Variants in WNK2 observed in about 807,000 individuals in gnomAD.
The protein encoded by WNK2 is WNK lysine deficient protein kinase 2.
In WNK2, 67 loss-of-function variants were observed where a neutral mutation model predicts 192.1. That is an observed-to-expected ratio of 0.35 (90% CI 0.29 to 0.43). The LOEUF is 0.43. Among genes scored for constraint, WNK2 ranks in the 20% least tolerant of loss-of-function variants. The pLI is 1.00. For missense variants in WNK2, 2,698 were observed against 3,089.7 expected (o/e 0.87, Z 3.01); for synonymous variants, 1,439 against 1,393.9 (o/e 1.03, Z -0.72).
chr9:93,317,481 C>A, intron 28 of WNK2, 39 bp from the exon 29 acceptor site: 1 of 1,602,394 alleles, frequency 6.2e-7, no homozygotes, highest in Non-Finnish European at 8.5e-7. Context: ...CTGATTGCAG[C>A]CACGTGTACC....
chr9:93,256,562 T>C, intron 10 of WNK2, 108 bp downstream of exon 10: 1 of 1,308,720 alleles, frequency 7.6e-7, no homozygotes. Context: ...TCGCTCAAAT[T>C]CTCTGTGGTT....
chr9:93,194,590 T>C (rs917629601), intron 2 of WNK2, among the ~76,000 whole-genome samples: 3 of 152,244 alleles, frequency 2.0e-5, no homozygotes, highest in Admixed American at 6.5e-5. Context: ...ACAGGAACTC[T>C]TATTCATTAC....
Position 93,317,822 on chromosome 9 carries a change from G to A in WNK2, c.6628+191G>A, listed in dbSNP as rs1351354887. 4 of 1,497,284 alleles carry A rather than the reference G, an allele frequency of 2.7e-6. No homozygotes were observed. The Admixed American group carries it at 6.6e-5, about 25-fold the overall frequency. 92.7% of individuals were successfully genotyped at this position (1,497,284 alleles called of 1,614,324 possible). A position where few individuals can be genotyped will look rare whatever the true frequency, so the allele number is the denominator to read the frequency against. Reference sequence around the variant, plus strand: ...TCTTGCAGCCACCTGTGGTCAGCATGCCTGGCCCCCGGCTGCGGATCACGT... The same window carrying A: ...TCTTGCAGCCACCTGTGGTCAGCATACCTGGCCCCCGGCTGCGGATCACGT... On this transcript the variant is annotated intron_variant, in intron 29 of 29. Coordinates refer to ENST00000427277, the MANE Select transcript of WNK2 (RefSeq NM_006648.4).
chr9:93,204,399 C>T (rs1158657438), intron 2 of WNK2, among the ~76,000 whole-genome samples: 2 of 152,182 alleles, frequency 1.3e-5, no homozygotes, highest in African/African-American at 2.4e-5. Context: ...GCCCAAGCAC[C>T]TGCAGGTAGA....
In WNK2 at chr9:93,185,349, C is replaced by G. The variant is rs1234737414; in HGVS notation, c.420C>G (p.Asp140Glu). 3 of 1,551,902 alleles carry G rather than the reference C, an allele frequency of 1.9e-6. No individual in the cohort carries two copies. Among genetic ancestry groups the G allele is most frequent in the East Asian group, 4.7e-5 (2 of 42,190 alleles). Reference sequence around the variant, plus strand: ...CTGTCGAAACCGCGCCTGCCCCCGACGGCGGCCCCAGGGAGGAGGCGGCGG... The same window carrying G: ...CTGTCGAAACCGCGCCTGCCCCCGAGGGCGGCCCCAGGGAGGAGGCGGCGG... ...AAAVETAPAP[D>E]GGPREEAAAT... Residue 140 changes from aspartate to glutamate, a missense_variant, in exon 2 of 30, where the codon GAC becomes GAG. By Grantham distance (45) the Asp-to-Glu change is conservative. Transcript: ENST00000427277.
chr9:93,300,135 T>C lies in WNK2; in HGVS notation c.6200T>C (p.Val2067Ala). ...KPRARFLSGP[V>A]SVSIWSALKR... is the part of the protein sequence containing the mutation. ...CGTGCTCGATTCCTCAGTGGACCCG[T>C]ATCTGTGTCCATCTGTCTGTATTTG... The change falls in exon 26 of 30, where the codon GTA becomes GCA. Residue 2067 changes from valine (V) to alanine (A), a missense_variant. By Grantham distance (64) the Val-to-Ala change is moderately conservative (BLOSUM62 0). Transcript: ENST00000427277. 6.2e-7 allele frequency: 1 copy of C among 1,612,756 alleles called. No individual in the cohort carries two copies. The highest frequency in any genetic ancestry group is 8.5e-7 in the Non-Finnish European group (1 of 1,179,080).
chr9:93,304,890 T>TGGGGCCCAAGTTTAGGA (rs377618925), intron 26 of WNK2, among the ~76,000 whole-genome samples: 132 of 152,216 alleles, frequency 8.7e-4, no homozygotes, highest in African/African-American at 3.2e-3. Context: ...CACTGGTCAC[T>TGGGGCCCAAGTTTAGGA]GGGGCCCAAG....
In WNK2 at chr9:93,256,971, A is replaced by G. The variant is rs746342840; in HGVS notation, c.2214A>G (p.Thr738=). ...AGCCTCCTCCGCTGGCCCAGCCGAC[A>G]CCCCTGCCGCAGGTCCTGGCCCCAC... is the stretch of plus-strand genomic sequence containing the variant. ...GQQPPPLAQP[T]PLPQVLAPQP... The change falls in exon 11 of 30, where the codon ACA becomes ACG. Residue 738 remains threonine, a synonymous_variant. Transcript: ENST00000427277. The G allele has an allele frequency of 6.3e-7, 1 of 1,580,328 alleles. No individual in the cohort carries two copies. Among genetic ancestry groups the G allele is most frequent in the Non-Finnish European group, 8.6e-7 (1 of 1,169,038 alleles).
At chr9:93,256,675 C>T (rs1588223732) in intron 10 of WNK2, 6 of 669,570 alleles carry the variant, frequency 9.0e-6, no homozygotes, top group Non-Finnish European at 2.5e-6. Flanking sequence ...GCATAGTGTT[C>T]GCAGTGCCCT....
At chr9:93,318,602 C>T in intron 29 of WNK2, 2 of 1,604,820 alleles carry the variant, frequency 1.2e-6, no homozygotes, top group Non-Finnish European at 1.7e-6. Context: ...GCTGCCCGCC[C>T]ACCCTGTGGA....
At chr9:93,241,176 G>A (rs1588125201) in intron 7 of WNK2, among the ~76,000 whole-genome samples, 1 of 152,240 alleles carries the variant, frequency 6.6e-6, no homozygotes, top group African/African-American at 2.4e-5. Flanking sequence ...CGTCTTTGTT[G>A]TTGGTTACAA....
At chr9:93,204,145 G>A (rs577664106) in intron 2 of WNK2, among the ~76,000 whole-genome samples, 2 of 152,246 alleles carry the variant, frequency 1.3e-5, no homozygotes, top group South Asian at 4.1e-4. Flanking sequence ...TGCCTGCTTG[G>A]TCAGTGGGTA....
chr9:93,208,107 A>G (rs539824697), intron 2 of WNK2, among the ~76,000 whole-genome samples: 2 of 152,264 alleles, frequency 1.3e-5, no homozygotes, highest in African/African-American at 4.8e-5. Context: ...GACAGAACAC[A>G]CAAACATCTC....
chr9:93,202,020 A>G (rs528045724), intron 2 of WNK2, among the ~76,000 whole-genome samples: 1 of 152,242 alleles, frequency 6.6e-6, no homozygotes, highest in East Asian at 1.9e-4. Context: ...TGGGCCGGTG[A>G]GGGTTGCTGG....
Position 93,267,949 on chromosome 9 carries a change from G to A in WNK2, c.3867+33G>A, listed in dbSNP as rs781725732. Reference sequence around the variant, plus strand: ...TGTGAAATCCGGGGTGGGAGGTGGTGAGAGTGCAGTGGCTGGGCAGGTGGG... The same window carrying A: ...TGTGAAATCCGGGGTGGGAGGTGGTAAGAGTGCAGTGGCTGGGCAGGTGGG... On this transcript the variant is annotated intron_variant, in intron 17 of 29. Transcript: ENST00000427277. 108 of 1,609,816 alleles carry A rather than the reference G, an allele frequency of 6.7e-5. 1 individual carries two copies. The Admixed American group carries it at 1.2e-3, about 18-fold the overall frequency.
At chr9:93,268,103 G>A (rs762847101) in intron 18 of WNK2, 38 bp downstream of exon 18, 22 of 1,583,410 alleles carry the variant, frequency 1.4e-5, no homozygotes, top group East Asian at 7.0e-5. Flanking sequence ...TTAAGCAGGC[G>A]TTTGATGAAA....
chr9:93,256,492 G>A, intron 10 of WNK2, 38 bp downstream of exon 10: 1 of 1,485,796 alleles, frequency 6.7e-7, no homozygotes, highest in African/African-American at 1.4e-5. Flanking sequence ...GTCCCTCCAG[G>A]CAGGCAGTCA....
rs754079515 is a variant in WNK2 at position 93,247,528 on chromosome 9, T to C, written c.1543-15T>C. On this transcript the variant is annotated splice_polypyrimidine_tract_variant and intron_variant, in intron 7 of 29. Transcript: ENST00000427277. The surrounding 1 kb of genome is among the most constrained non-coding windows in gnomAD (Gnocchi z 5.2). ...CTGATCCCCAGCGATGCTGACAACA[T>C]GACTGCCTTTACAGATTGAGTCTGG... 3 of 1,606,914 alleles carry C rather than the reference T, an allele frequency of 1.9e-6. No individual in the cohort carries two copies. The Admixed American group carries it at 5.1e-5, about 27-fold the overall frequency.
rs545952047 is a variant in WNK2, at chr9:93,303,983, G to A, written c.6215-2794G>A. 1.7e-4 allele frequency among the ~76,000 whole-genome samples: 26 copies of A among 152,342 alleles called. No homozygotes were observed. In the East Asian group the frequency reaches 4.1e-3, roughly 24 times the overall value. On this transcript the variant is annotated intron_variant, in intron 26 of 29. Coordinates refer to ENST00000427277, the MANE Select transcript of WNK2 (RefSeq NM_006648.4). ...GCGCGGGAAGTTGTGGGGGACTGAG[G>A]TGAAGCCGCCAGGGCACCCATGATG...
Sources: gnomAD v4.1 joint callset for allele counts (sites outside exome capture counted in the v4.1 genomes callset) on GRCh38, gnomAD v4.1.1 for gene constraint, Gnocchi (gnomAD v3.1) non-coding constraint, MANE v1.5 for transcripts, NCBI Gene and HGNC (gene_info 2026-07-23, HGNC 2026-07-21) for gene names.